Variants in PARD3 observed in about 807,000 individuals in gnomAD.
PARD3 encodes par-3 family cell polarity regulator.
Under a neutral mutation model 155.4 loss-of-function variants are expected in PARD3, and 75 were observed. The ratio of observed to expected loss-of-function variants is 0.48; its 90% CI spans 0.40 to 0.58. The LOEUF (loss-of-function observed/expected upper bound fraction) is 0.58, where lower values mean the gene tolerates loss of function less well. Ranked by LOEUF, PARD3 falls within the 20% of genes least tolerant of loss-of-function variation. The pLI is 0.00. For synonymous variants in PARD3, 576 were observed against 610.5 expected (o/e 0.94, Z 0.83); for missense variants, 1,642 against 1,721.7 (o/e 0.95, Z 0.82).
At chr10:34,811,617 C>T (rs891091857) in intron 1 of PARD3, among the ~76,000 whole-genome samples, 1 of 152,200 alleles carries the variant, frequency 6.6e-6, no homozygotes, top group African/African-American at 2.4e-5. Context: ...CACAGTGGTG[C>T]CAATTAATGC....
chr10:34,763,627 G>T (rs1837734661), intron 1 of PARD3, among the ~76,000 whole-genome samples: 1 of 152,066 alleles, frequency 6.6e-6, no homozygotes, highest in South Asian at 2.1e-4. Context: ...CCCCACCAAG[G>T]CCAAAGCAAT....
chr10:34,578,171 A>G (rs2087063098), intron 2 of PARD3, among the ~76,000 whole-genome samples: 1 of 152,002 alleles, frequency 6.6e-6, no homozygotes. Context: ...TAAGCTTTTT[A>G]AAAATGTGAT....
At chr10:34,741,834 A>C (rs2095024458) in intron 1 of PARD3, among the ~76,000 whole-genome samples, 1 of 152,242 alleles carries the variant, frequency 6.6e-6, no homozygotes, top group Admixed American at 6.5e-5. Context: ...ACAAAAGTTG[A>C]TAAAGTACTT....
intron 22 of PARD3, among the ~76,000 whole-genome samples, chr10:34,164,976 A>C (rs1302617478): frequency 6.6e-6 from 1 of 152,180 alleles, no homozygotes. Flanking sequence ...AACTGCATGT[A>C]AGATAATTTA....
At chr10:34,687,644 A>G (rs2093973080) in intron 2 of PARD3, among the ~76,000 whole-genome samples, 1 of 152,112 alleles carries the variant, frequency 6.6e-6, no homozygotes, top group African/African-American at 2.4e-5. Context: ...ACATGACATC[A>G]TTCCTGCTCA....
chr10:34,522,422 T>C (rs190498730), intron 2 of PARD3, among the ~76,000 whole-genome samples: 8 of 152,336 alleles, frequency 5.3e-5, no homozygotes, highest in African/African-American at 1.4e-4. Context: ...TGAATTTGCA[T>C]TGTTTTCAGC....
At chr10:34,651,011 CAAAAAAAAAAAAAAAAAAAAAAAAAAA>C (rs60113552) in intron 2 of PARD3, among the ~76,000 whole-genome samples, 1 of 44,520 alleles carries the variant, frequency 2.2e-5, no homozygotes, top group Non-Finnish European at 4.0e-5. Flanking sequence ...AACTCTGTCT[CAAAAAAAAAAAAAAAAAAAAAAAAAAA>C]AAAAAAAAAA....
intron 2 of PARD3, among the ~76,000 whole-genome samples, chr10:34,536,117 T>C (rs1192257782): frequency 2.6e-5 from 4 of 152,200 alleles, no homozygotes; most frequent in African/African-American, 9.7e-5. Flanking sequence ...TTGAAAGACT[T>C]TGGTGTCTCT....
intron 1 of PARD3, among the ~76,000 whole-genome samples, chr10:34,743,417 C>A (rs1178386090): frequency 6.6e-6 from 1 of 152,192 alleles, no homozygotes; most frequent in East Asian, 1.9e-4. Flanking sequence ...AAGAAACATA[C>A]AACTGAATGT....
chr10:34,535,880 C>T (rs2083192512), intron 2 of PARD3, among the ~76,000 whole-genome samples: 2 of 152,140 alleles, frequency 1.3e-5, no homozygotes, highest in Middle Eastern at 3.4e-3. Flanking sequence ...CATGTCAATG[C>T]TCAAAATTTT....
intron 2 of PARD3, among the ~76,000 whole-genome samples, chr10:34,620,874 C>T (rs1016897079): frequency 3.3e-5 from 5 of 152,146 alleles, no homozygotes; most frequent in African/African-American, 1.2e-4. Context: ...CACATATGCA[C>T]AAAAAAATAC....
intron 1 of PARD3, among the ~76,000 whole-genome samples, chr10:34,720,088 T>G (rs1202542842): frequency 6.6e-6 from 1 of 152,214 alleles, no homozygotes; most frequent in African/African-American, 2.4e-5. Flanking sequence ...AATTTCCCCC[T>G]GAAGTAAATA....
intron 1 of PARD3, among the ~76,000 whole-genome samples, chr10:34,713,085 A>G (rs892399834): frequency 6.6e-6 from 1 of 151,974 alleles, no homozygotes; most frequent in Non-Finnish European, 1.5e-5. Flanking sequence ...GGTGGCAGGC[A>G]CCTGTAATCC....
chr10:34,276,893 C>T (rs970487347), intron 21 of PARD3, among the ~76,000 whole-genome samples: 16 of 151,980 alleles, frequency 1.1e-4, no homozygotes, highest in African/African-American at 3.1e-4. Flanking sequence ...TGTCTTTTAA[C>T]GATTTTTAAT....
At position 34,416,569 on chromosome 10, in the gene PARD3, C is replaced by G. The variant is rs370051330; in HGVS notation, c.715-14652G>C. Among the ~76,000 whole-genome samples, 80 of 152,308 alleles carry G rather than the reference C, an allele frequency of 5.3e-4. 1 individual carries two copies. The highest frequency in any genetic ancestry group is 1.8e-3 in the African/African-American group (75 of 41,568). On this transcript the variant is annotated intron_variant, in intron 5 of 24. Coordinates refer to ENST00000374788, the MANE Select transcript of PARD3 (RefSeq NM_001184785.2). ...CTTCCCTCAGGCATCTTTGCACCTACAGCATCTAGCTCAGTCCCTGACTCT... is the reference window on the plus strand; with the variant it reads ...CTTCCCTCAGGCATCTTTGCACCTAGAGCATCTAGCTCAGTCCCTGACTCT...
intron 1 of PARD3, among the ~76,000 whole-genome samples, chr10:34,722,575 A>G (rs1391002280): frequency 6.6e-6 from 1 of 152,030 alleles, no homozygotes; most frequent in Non-Finnish European, 1.5e-5. Context: ...CTCCCTGGGG[A>G]TGTTCCGTCT....
At chr10:34,579,493 G>A (rs564562631) in intron 2 of PARD3, among the ~76,000 whole-genome samples, 125 of 151,116 alleles carry the variant, frequency 8.3e-4, no homozygotes, top group African/African-American at 2.5e-3. Flanking sequence ...AAAAAAATAC[G>A]TAAGAAGCCT....
chr10:34,248,542 G>T (rs1466989545), intron 22 of PARD3, among the ~76,000 whole-genome samples: 3 of 151,876 alleles, frequency 2.0e-5, no homozygotes, highest in African/African-American at 7.3e-5. Context: ...AAATACAGAT[G>T]AATATAATGA....
At chr10:34,403,925 T>C (rs904721266) in intron 5 of PARD3, among the ~76,000 whole-genome samples, 2 of 152,176 alleles carry the variant, frequency 1.3e-5, no homozygotes, top group Non-Finnish European at 2.9e-5. Flanking sequence ...TCATTAATAA[T>C]TTAAGGACTA....
Sources: allele counts gnomAD v4.1 joint callset (sites outside exome capture counted in the v4.1 genomes callset), GRCh38; gene constraint gnomAD v4.1.1; transcripts MANE v1.5; gene names NCBI Gene and HGNC (gene_info 2026-07-23, HGNC 2026-07-21).